Variants in TSC22D2 observed in about 807,000 individuals in gnomAD.
TSC22D2 encodes TSC22 domain family protein 2.
Under a neutral mutation model 50.1 loss-of-function variants are expected in TSC22D2, and 5 were observed. The ratio of observed to expected loss-of-function variants is 0.10; its 90% CI spans 0.05 to 0.21. The LOEUF is 0.21. Among genes scored for constraint, TSC22D2 ranks in the 10% least tolerant of loss-of-function variants. TSC22D2 has a pLI of 1.00. For missense variants in TSC22D2, 1,003 were observed against 1,015.5 expected (o/e 0.99, Z 0.17); for synonymous variants, 501 against 450.1 (o/e 1.11, Z -1.43).
intron 1 of TSC22D2, among the ~76,000 whole-genome samples, chr3:150,456,180 GTTTT>G (rs10603156): frequency 7.1e-6 from 1 of 140,822 alleles, no homozygotes; most frequent in Non-Finnish European, 1.5e-5. Flanking sequence ...GTTTCTTTTT[GTTTT>G]TTTTTTTTTT....
At position 150,410,429 on chromosome 3, in the gene TSC22D2, C is replaced by T. The variant is rs1446741872; in HGVS notation, c.1079C>T (p.Pro360Leu). The T allele has an allele frequency of 1.2e-6, 2 of 1,609,380 alleles. No individual in the cohort carries two copies. Among genetic ancestry groups the T allele is most frequent in the South Asian group, 1.1e-5 (1 of 90,642 alleles). Reference sequence around the variant, plus strand: ...CAGCAGCCCCAGCAGTTCGCGTATCCTCAGCCTCAGATACCGCCCGGACAT... The same window carrying T: ...CAGCAGCCCCAGCAGTTCGCGTATCTTCAGCCTCAGATACCGCCCGGACAT... The part of the protein sequence containing the change: ...AAQQPQQFAY[P>L]QPQIPPGHLL... The change falls in exon 1 of 3, where the codon CCT (proline) becomes CTT (leucine). Residue 360 changes from proline to leucine, a missense_variant. Physicochemically the swap from Pro to Leu is moderately conservative, Grantham distance 98. Around this residue, in one of 6 missense-constraint regions of TSC22D2, gnomAD observed 696 missense variants for 647.8 expected, o/e 1.07. Transcript: ENST00000688009.
In TSC22D2 at chr3:150,416,081, G is replaced by T. The variant is rs534457497; in HGVS notation, c.1958+4773G>T. 2.4e-4 allele frequency among the ~76,000 whole-genome samples: 37 copies of T among 152,320 alleles called. No individual in the cohort carries two copies. The South Asian group carries it at 6.6e-3, about 27-fold the overall frequency. Reference sequence around the variant, plus strand: ...CTTTCCTAAAATGGCAGGAGTTGGGGAAGGGGAAGTGTAGAATGATAGCAG... The same window carrying T: ...CTTTCCTAAAATGGCAGGAGTTGGGTAAGGGGAAGTGTAGAATGATAGCAG... On this transcript the variant is annotated intron_variant, in intron 1 of 2. Coordinates refer to ENST00000688009, the MANE Select transcript of TSC22D2 (RefSeq NM_001303264.2).
At chr3:150,451,528 CTT>C (rs1405879773) in intron 1 of TSC22D2, among the ~76,000 whole-genome samples, 3 of 152,146 alleles carry the variant, frequency 2.0e-5, no homozygotes, top group Non-Finnish European at 2.9e-5. Flanking sequence ...TTAAAGCACT[CTT>C]AATAATACAC....
Position 150,409,139 on chromosome 3 carries a change from C to G in TSC22D2, c.-212C>G. The G allele has an allele frequency of 2.1e-6, 1 of 485,856 alleles. No homozygotes were observed. The highest frequency in any genetic ancestry group is 3.1e-5 in the East Asian group (1 of 32,246). The allele number at this position is 485,856 out of a possible 1,614,324, so 30.1% of individuals were successfully genotyped here. The stretch of plus-strand genomic sequence containing the variant: ...CCGCGGGACTGAGACGGGGGCAGAG[C>G]CGAAGAGACCGACACAGAGAAGGAA... On this transcript the variant is annotated 5_prime_UTR_variant, in exon 1 of 3. Coordinates refer to ENST00000688009, the MANE Select transcript of TSC22D2 (RefSeq NM_001303264.2). The surrounding 1 kb of genome is among the most constrained non-coding windows in gnomAD (Gnocchi z 7.4).
chr3:150,458,847 A>T lies in TSC22D2; in HGVS notation c.*211A>T. 1 of 568,226 alleles carries T rather than the reference A, an allele frequency of 1.8e-6. No homozygotes were observed. Among genetic ancestry groups the T allele is most frequent in the Non-Finnish European group, 3.0e-6 (1 of 330,910 alleles). The allele number at this position is 568,226 out of a possible 1,614,324, so 35.2% of individuals were successfully genotyped here. ...GTCCAGTTCTATGTCATCAGTACAC[A>T]AGGAGAATAATAGATGGGGTTTATT... On this transcript the variant is annotated 3_prime_UTR_variant, in exon 3 of 3. Transcript: ENST00000688009.
rs1023034298 is a variant in TSC22D2 at position 150,410,809 on chromosome 3, G to A, written c.1459G>A (p.Gly487Ser). Residue 487 changes from glycine to serine, a missense_variant, in exon 1 of 3, where the codon GGT becomes AGT. Coordinates refer to ENST00000688009, the MANE Select transcript of TSC22D2 (RefSeq NM_001303264.2). ...QPQSVPPPQM[G>S]GSGPLSAVPG... is the part of the protein sequence containing the mutation. ...CCAGTCCGTGCCTCCGCCGCAGATG[G>A]GTGGCAGTGGTCCGCTGTCAGCCGT... 1 of 1,613,326 alleles carries A rather than the reference G, an allele frequency of 6.2e-7. No individual in the cohort carries two copies. Among genetic ancestry groups the A allele is most frequent in the African/African-American group, 1.3e-5 (1 of 75,052 alleles).
At chr3:150,427,740 A>G (rs1344734619) in intron 1 of TSC22D2, among the ~76,000 whole-genome samples, 1 of 152,036 alleles carries the variant, frequency 6.6e-6, no homozygotes, top group East Asian at 1.9e-4. Context: ...TAGCTTTTTA[A>G]TGATTGTCAC....
chr3:150,455,195 C>G (rs973425695), intron 1 of TSC22D2, among the ~76,000 whole-genome samples: 1 of 152,158 alleles, frequency 6.6e-6, no homozygotes, highest in Non-Finnish European at 1.5e-5. Flanking sequence ...ATGCCTGTCA[C>G]CGTCTTTTTT....
chr3:150,442,437 A>G (rs577369093), intron 1 of TSC22D2, among the ~76,000 whole-genome samples: 4 of 152,382 alleles, frequency 2.6e-5, no homozygotes, highest in South Asian at 2.1e-4. Flanking sequence ...AGATTATTGT[A>G]TACAATTAGA....
At chr3:150,455,447 C>T (rs1219960891) in intron 1 of TSC22D2, among the ~76,000 whole-genome samples, 1 of 152,152 alleles carries the variant, frequency 6.6e-6, no homozygotes, top group African/African-American at 2.4e-5. Context: ...ATAGTAGCAG[C>T]AAGAAGTGAA....
At position 150,409,461 on chromosome 3, in the gene TSC22D2, C is replaced by G. The variant is rs1368544943; in HGVS notation, c.111C>G (p.Asp37Glu). Residue 37 changes from aspartate to glutamate, a missense_variant, in exon 1 of 3, where the codon GAC (aspartate) becomes GAG (glutamate). This residue lies in a region of TSC22D2 where 200 missense variants were observed against 182.8 expected (regional missense o/e 1.09). Transcript: ENST00000688009. The surrounding 1 kb of genome is among the most constrained non-coding windows in gnomAD (Gnocchi z 7.4). ...ACACCGAGAGCTTGGACGACCCGGACGAGTCACGCACAGAGGACGTCTCCT... is the reference window on the plus strand; with the variant it reads ...ACACCGAGAGCTTGGACGACCCGGAGGAGTCACGCACAGAGGACGTCTCCT... ...TEDTESLDDP[D>E]ESRTEDVSSE... 2 of 1,613,464 alleles carry G rather than the reference C, an allele frequency of 1.2e-6. No individual in the cohort carries two copies. Among genetic ancestry groups the G allele is most frequent in the East Asian group, 2.2e-5 (1 of 44,874 alleles).
chr3:150,417,303 A>G (rs985525637), intron 1 of TSC22D2, among the ~76,000 whole-genome samples: 8 of 152,226 alleles, frequency 5.3e-5, no homozygotes, highest in African/African-American at 1.9e-4. Context: ...AGGATTCCCA[A>G]AGGTAAGTGT....
chr3:150,427,425 A>G (rs545610821), intron 1 of TSC22D2, among the ~76,000 whole-genome samples: 1 of 152,040 alleles, frequency 6.6e-6, no homozygotes, highest in East Asian at 1.9e-4. Flanking sequence ...GACCTCTTTC[A>G]TCCAGTATTG....
chr3:150,441,868 A>G (rs1348156280), intron 1 of TSC22D2, among the ~76,000 whole-genome samples: 2 of 152,176 alleles, frequency 1.3e-5, no homozygotes, highest in Non-Finnish European at 2.9e-5. Context: ...TGCTATAGGA[A>G]GTCACCTGTA....
chr3:150,409,339 G>C lies in TSC22D2; in HGVS notation c.-12G>C, dbSNP rs1364518430. The C allele has an allele frequency of 1.9e-6, 3 of 1,586,522 alleles. No individual in the cohort carries two copies. The highest frequency in any genetic ancestry group is 2.6e-6 in the Non-Finnish European group (3 of 1,161,252). On this transcript the variant is annotated 5_prime_UTR_variant, in exon 1 of 3. Coordinates refer to ENST00000688009, the MANE Select transcript of TSC22D2 (RefSeq NM_001303264.2). The surrounding 1 kb of genome is among the most constrained non-coding windows in gnomAD (Gnocchi z 7.4). Reference sequence around the variant, plus strand: ...AGCCGGCGTGCCTCTCTGCCCTCCAGCCTTCTTCACCATGTCCAAGATGCC... The same window carrying C: ...AGCCGGCGTGCCTCTCTGCCCTCCACCCTTCTTCACCATGTCCAAGATGCC...
At chr3:150,453,173 C>T (rs371525260) in intron 1 of TSC22D2, among the ~76,000 whole-genome samples, 4 of 152,088 alleles carry the variant, frequency 2.6e-5, no homozygotes, top group African/African-American at 9.7e-5. Flanking sequence ...GAAGCCTTTT[C>T]TTAGGGAGCT....
intron 1 of TSC22D2, among the ~76,000 whole-genome samples, chr3:150,456,707 G>A (rs1721202842): frequency 6.6e-6 from 1 of 152,246 alleles, no homozygotes. Flanking sequence ...CAATTAGAAT[G>A]TATAGTTGGT....
chr3:150,420,274 C>CT (rs1408301865), intron 1 of TSC22D2, among the ~76,000 whole-genome samples: 1 of 152,158 alleles, frequency 6.6e-6, no homozygotes. Context: ...TGTTTGGAGA[C>CT]TAATTATTGT....
intron 1 of TSC22D2, among the ~76,000 whole-genome samples, chr3:150,424,281 G>A (rs757827044): frequency 2.2e-4 from 34 of 152,022 alleles, no homozygotes; most frequent in Non-Finnish European, 4.6e-4. Flanking sequence ...AAACATGAAG[G>A]TTTAATCTTT....
Sources: gnomAD v4.1 joint callset for allele counts (sites outside exome capture counted in the v4.1 genomes callset) on GRCh38, gnomAD v4.1.1 for gene constraint, gnomAD v4.1.1 regional missense constraint, Gnocchi (gnomAD v3.1) non-coding constraint, MANE v1.5 for transcripts, NCBI Gene and HGNC (gene_info 2026-07-23, HGNC 2026-07-21) for gene names.